DAD1: variants seen among roughly 807,000 people sequenced by gnomAD.
DAD1 encodes dolichyl-diphosphooligosaccharide--protein glycosyltransferase subunit DAD1.
In DAD1, 4 loss-of-function variants were observed where a neutral mutation model predicts 9.0. The ratio of observed to expected loss-of-function variants is 0.44; its 90% confidence interval spans 0.22 to 1.01. The LOEUF is 1.01. Ranked by LOEUF, DAD1 falls within the 50% of genes least tolerant of loss-of-function variation. DAD1 has a pLI of 0.24. For missense variants in DAD1, 119 were observed against 137.3 expected (o/e 0.87, Z 0.67); for synonymous variants, 60 against 62.5 (o/e 0.96, Z 0.19).
rs1265666371 is a variant in DAD1 at position 22,573,414 on chromosome 14, A to T, written c.*44+1645T>A. Among the ~76,000 whole-genome samples, 3 of 152,126 alleles carry T rather than the reference A, an allele frequency of 2.0e-5. No individual in the cohort carries two copies. In the East Asian group the frequency reaches 5.8e-4, roughly 29 times the overall value. On this transcript the variant is annotated intron_variant, in intron 2 of 2. Transcript: ENST00000250498. ...AACTCAAGTCTTAATCAGGTGTCTAATGAGTTAAATTGTATTAAAATAACA... is the reference window on the plus strand; with the variant it reads ...AACTCAAGTCTTAATCAGGTGTCTATTGAGTTAAATTGTATTAAAATAACA...
chr14:22,573,633 T>C (rs892940624), intron 2 of DAD1, among the ~76,000 whole-genome samples: 41 of 140,530 alleles, frequency 2.9e-4, no homozygotes, highest in Admixed American at 9.3e-4. Flanking sequence ...TGGCATGAAC[T>C]CGGGAGGCGG....
rs2037173452 is a variant in DAD1 at position 22,589,030 on chromosome 14, C to G, written c.128G>C (p.Gly43Ala). 2.5e-6 allele frequency: 4 copies of G among 1,614,206 alleles called. No individual in the cohort carries two copies. In the African/African-American group the frequency reaches 4.0e-5, roughly 16 times the overall value. ...GAAGGTCCCCACGAGGAGACAGTAA[C>G]CGAACTGCAGCGCCCCGGTCAGCAG... ...YILLTGALQF[G>A]YCLLVGTFPF... Residue 43 changes from glycine to alanine, a missense_variant, in exon 1 of 3, where the codon GGT (glycine) becomes GCT (alanine). Coordinates refer to ENST00000250498, the MANE Select transcript of DAD1 (RefSeq NM_001344.4).
rs748173690 is a variant in DAD1, at chr14:22,575,408, T to C, written c.212-175A>G. ...CCAGATAGCCCCAAACTGGAAACAA[T>C]CTAATGTCTATCAACAGTAAAATGG... On this transcript the variant is annotated intron_variant, in intron 1 of 2. Transcript: ENST00000250498. 6.6e-4 allele frequency among the ~76,000 whole-genome samples: 101 copies of C among 152,008 alleles called. 1 individual carries two copies. Among genetic ancestry groups the C allele is most frequent in the Non-Finnish European group, 1.5e-4 (10 of 67,994 alleles).
chr14:22,589,219 G>T lies in DAD1; in HGVS notation c.-62C>A. On this transcript the variant is annotated 5_prime_UTR_variant, in exon 1 of 3. Coordinates refer to ENST00000250498, the MANE Select transcript of DAD1 (RefSeq NM_001344.4). The stretch of plus-strand genomic sequence containing the variant: ...TCTTGGAGGACCCGTCGACCACACC[G>T]GATGTGCTGTTTGCGCATGCGCACC... The T allele has an allele frequency of 1.3e-6, 2 of 1,563,006 alleles. No homozygotes were observed. Among genetic ancestry groups the T allele is most frequent in the Non-Finnish European group, 1.8e-6 (2 of 1,138,630 alleles).
intron 1 of DAD1, among the ~76,000 whole-genome samples, chr14:22,585,007 G>A (rs1054293530): frequency 7.2e-5 from 11 of 152,012 alleles, no homozygotes; most frequent in Non-Finnish European, 1.5e-4. Context: ...AGACTATCAG[G>A]CACATGGGTG....
intron 2 of DAD1, among the ~76,000 whole-genome samples, chr14:22,571,211 A>T (rs2139237191): frequency 6.8e-6 from 1 of 146,162 alleles, no homozygotes; most frequent in East Asian, 2.0e-4. Context: ...CTACTCGGGG[A>T]GGCTGCGGCA....
At chr14:22,573,776 A>C (rs1337869768) in intron 2 of DAD1, among the ~76,000 whole-genome samples, 1 of 152,026 alleles carries the variant, frequency 6.6e-6, no homozygotes, top group Non-Finnish European at 1.5e-5. Context: ...CCTCACTGTC[A>C]ACTTACCACT....
intron 1 of DAD1, among the ~76,000 whole-genome samples, chr14:22,579,504 T>C (rs1262257910): frequency 1.3e-5 from 2 of 152,160 alleles, no homozygotes; most frequent in Non-Finnish European, 2.9e-5. Context: ...CTTAAAAATA[T>C]TAAAGACAAT....
intron 1 of DAD1, among the ~76,000 whole-genome samples, chr14:22,582,793 G>A (rs1275063627): frequency 4.6e-5 from 7 of 152,244 alleles, no homozygotes; most frequent in Admixed American, 3.9e-4. Context: ...ATCACCTGAG[G>A]TCAGGAGTTC....
chr14:22,571,764 G>C (rs1051542650), intron 2 of DAD1, among the ~76,000 whole-genome samples: 4 of 151,746 alleles, frequency 2.6e-5, no homozygotes, highest in African/African-American at 9.7e-5. Flanking sequence ...CGAGTAGCTG[G>C]GATTACAGGC....
At chr14:22,568,577 T>A (rs1457776022) in intron 2 of DAD1, among the ~76,000 whole-genome samples, 2 of 152,192 alleles carry the variant, frequency 1.3e-5, no homozygotes, top group African/African-American at 2.4e-5. Flanking sequence ...GCAAGAGACT[T>A]TGATGAACAT....
In DAD1 at chr14:22,588,987, G is replaced by A. The variant is rs755971486; in HGVS notation, c.171C>T (p.Leu57=). 3.1e-6 allele frequency: 5 copies of A among 1,614,080 alleles called. No homozygotes were observed. The South Asian group carries it at 5.5e-5, about 18-fold the overall frequency. ...TCCCCACACAAGAGATGAAGCCCGA[G>A]AGAAAAGAGTTGAAGGGGAAGGTCC... ...LVGTFPFNSF[L]SGFISCVGSF... The change falls in exon 1 of 3, where the codon CTC becomes CTT. Residue 57 remains leucine, a synonymous_variant. Coordinates refer to ENST00000250498, the MANE Select transcript of DAD1 (RefSeq NM_001344.4).
chr14:22,580,317 G>A (rs189467832), intron 1 of DAD1, among the ~76,000 whole-genome samples: 3 of 152,196 alleles, frequency 2.0e-5, no homozygotes, highest in African/African-American at 4.8e-5. Flanking sequence ...CTACTCGGGA[G>A]GCTGAGATGG....
chr14:22,575,509 T>A (rs981780855), intron 1 of DAD1, among the ~76,000 whole-genome samples: 7 of 152,116 alleles, frequency 4.6e-5, no homozygotes, highest in South Asian at 2.1e-4. Flanking sequence ...CAAAAATGGA[T>A]GAATTGCACA....
chr14:22,572,968 C>T (rs1010063119), intron 2 of DAD1, among the ~76,000 whole-genome samples: 2 of 152,168 alleles, frequency 1.3e-5, no homozygotes, highest in African/African-American at 4.8e-5. Context: ...GGTAACAGTT[C>T]ATTTTAACTA....
intron 1 of DAD1, among the ~76,000 whole-genome samples, chr14:22,581,659 C>T (rs1024814801): frequency 1.4e-5 from 2 of 143,888 alleles, no homozygotes; most frequent in African/African-American, 5.2e-5. Context: ...AGAAGAACCG[C>T]TTGAACCCGG....
At chr14:22,581,806 G>A (rs2037118149) in intron 1 of DAD1, among the ~76,000 whole-genome samples, 1 of 151,178 alleles carries the variant, frequency 6.6e-6, no homozygotes, top group Non-Finnish European at 1.5e-5. Context: ...TGATCAAGGG[G>A]AAGGACACAA....
At chr14:22,584,867 A>G (rs5742755) in intron 1 of DAD1, among the ~76,000 whole-genome samples, 65,534 of 152,194 alleles carry the variant, frequency 0.43, 15,288 homozygotes, top group African/African-American at 0.62. Flanking sequence ...TGCAAACACA[A>G]TAGAAGATGG....
At chr14:22,577,142 G>C (rs941832778) in intron 1 of DAD1, among the ~76,000 whole-genome samples, 2 of 152,152 alleles carry the variant, frequency 1.3e-5, no homozygotes, top group African/African-American at 4.8e-5. Flanking sequence ...AGAAGTGAAA[G>C]CAGGATCTCG....
Sources: gnomAD v4.1 joint callset for allele counts (sites outside exome capture counted in the v4.1 genomes callset) on GRCh38, gnomAD v4.1.1 for gene constraint, MANE v1.5 for transcripts, NCBI Gene and HGNC (gene_info 2026-07-23, HGNC 2026-07-21) for gene names.